Variants in IL1RAPL2 observed in about 807,000 individuals in gnomAD.
The protein encoded by IL1RAPL2 is interleukin 1 receptor accessory protein like 2, also known as X-linked interleukin-1 receptor accessory protein-like 2.
In IL1RAPL2, 3 loss-of-function variants were observed where a neutral mutation model predicts 44.1. The observed-to-expected ratio is 0.07, with a 90% CI of 0.03 to 0.18. IL1RAPL2 has a LOEUF of 0.18. IL1RAPL2 is among the 10% of genes least tolerant of loss of function. The pLI is 1.00. For synonymous variants in IL1RAPL2, 181 were observed against 178.8 expected, an observed-to-expected ratio of 1.01 and a Z score of -0.10; for missense variants, 391 against 496.4, an observed-to-expected ratio of 0.79 and a Z score of 2.02.
chrX:105,565,718 C>T (rs1357443284), intron 6 of IL1RAPL2, among the ~76,000 whole-genome samples: 1 of 112,060 alleles, frequency 8.9e-6, no homozygotes, highest in Non-Finnish European at 1.9e-5. Flanking sequence ...ATGGACAAGC[C>T]TACTCTTCCA....
intron 5 of IL1RAPL2, among the ~76,000 whole-genome samples, chrX:105,460,450 C>G (rs147225218): frequency 4.7e-4 from 52 of 109,975 alleles, no homozygotes; most frequent in Middle Eastern, 4.6e-3. Flanking sequence ...GTTCTTCCCC[C>G]CTCTCATCCT....
chrX:105,179,200 C>T (rs114587705), intron 2 of IL1RAPL2, among the ~76,000 whole-genome samples: 2,650 of 111,847 alleles, frequency 0.024, 73 homozygotes, highest in African/African-American at 0.081. Context: ...CAGTTTTATT[C>T]TGCATGTGGC....
chrX:105,177,045 C>G (rs2033481092), intron 2 of IL1RAPL2, among the ~76,000 whole-genome samples: 1 of 111,143 alleles, frequency 9.0e-6, no homozygotes. Context: ...CCTCCTGGAC[C>G]ACAGACTGTG....
chrX:105,246,402 C>A (rs1009526561), intron 4 of IL1RAPL2, among the ~76,000 whole-genome samples: 1 of 111,961 alleles, frequency 8.9e-6, no homozygotes, highest in Admixed American at 9.5e-5. Flanking sequence ...ATGAGTATTG[C>A]CAGGGAAGAA....
intron 4 of IL1RAPL2, among the ~76,000 whole-genome samples, chrX:105,258,198 G>C (rs2034330104): frequency 9.0e-6 from 1 of 111,648 alleles, no homozygotes; most frequent in South Asian, 3.7e-4. Context: ...AGCTTCATTT[G>C]GTTGGGTATG....
At chrX:105,018,473 G>A (rs1043628909) in intron 2 of IL1RAPL2, among the ~76,000 whole-genome samples, 1 of 111,293 alleles carries the variant, frequency 9.0e-6, no homozygotes, top group Admixed American at 9.6e-5. Flanking sequence ...ACTTTGAGCA[G>A]TATTGTTGAT....
At chrX:105,213,273 A>T (rs1221227673) in intron 3 of IL1RAPL2, among the ~76,000 whole-genome samples, 1 of 109,333 alleles carries the variant, frequency 9.1e-6, no homozygotes, top group Non-Finnish European at 1.9e-5. Flanking sequence ...CAGTTTAGAG[A>T]GGAACATAAA....
rs768539141 is a variant in IL1RAPL2 at position 105,099,757 on chromosome X, C to T, written c.83-95718C>T. On this transcript the variant is annotated intron_variant, in intron 2 of 10. Transcript: ENST00000372582. ...CTGGGACTACAGGCGTGAGCCACCG[C>T]GCCCGGCCGCCACACACTTTTAAAC... Among the ~76,000 whole-genome samples the T allele has an allele frequency of 4.3e-3, 475 of 109,940 alleles. 3 individuals carry two copies. The highest frequency in any genetic ancestry group is 0.015 in the African/African-American group (454 of 30,157).
At chrX:105,405,898 T>A in intron 5 of IL1RAPL2, 1 of 1,163,466 alleles carries the variant, frequency 8.6e-7, no homozygotes, top group Non-Finnish European at 1.2e-6. Context: ...GGTGGACTGA[T>A]TGATGATATT....
chrX:105,257,711 G>T (rs1458012766), intron 4 of IL1RAPL2, among the ~76,000 whole-genome samples: 1 of 112,107 alleles, frequency 8.9e-6, no homozygotes, highest in African/African-American at 3.2e-5. Context: ...TTTAATCTTT[G>T]TTGGTTTGAA....
intron 6 of IL1RAPL2, among the ~76,000 whole-genome samples, chrX:105,623,951 G>A: frequency 9.0e-6 from 1 of 111,552 alleles, no homozygotes; most frequent in Non-Finnish European, 1.9e-5. Context: ...ATAGCACAGG[G>A]AAGTTATTCT....
intron 6 of IL1RAPL2, among the ~76,000 whole-genome samples, chrX:105,540,334 C>T (rs997446281): frequency 1.8e-5 from 2 of 111,598 alleles, no homozygotes; most frequent in Non-Finnish European, 3.8e-5. Context: ...GGCATATATA[C>T]GCCATGGAAT....
At chrX:105,643,994 C>T (rs1293097929) in intron 6 of IL1RAPL2, among the ~76,000 whole-genome samples, 3 of 111,446 alleles carry the variant, frequency 2.7e-5, no homozygotes, top group Non-Finnish European at 3.8e-5. Flanking sequence ...CAGGTTCAAG[C>T]GATTCTCATG....
intron 6 of IL1RAPL2, among the ~76,000 whole-genome samples, chrX:105,548,773 G>A (rs1439758052): frequency 9.0e-6 from 1 of 111,548 alleles, no homozygotes; most frequent in Non-Finnish European, 1.9e-5. Context: ...TACTTCATAG[G>A]TTGCTATGTG....
At chrX:104,890,921 T>C (rs1255759524) in intron 2 of IL1RAPL2, among the ~76,000 whole-genome samples, 1 of 112,131 alleles carries the variant, frequency 8.9e-6, no homozygotes, top group Non-Finnish European at 1.9e-5. Context: ...CTAGGGTTTT[T>C]ATGGTTTTAG....
chrX:104,879,238 C>A (rs1241772276), intron 2 of IL1RAPL2, among the ~76,000 whole-genome samples: 1 of 109,736 alleles, frequency 9.1e-6, no homozygotes, highest in Non-Finnish European at 1.9e-5. Flanking sequence ...GCAATATCTC[C>A]AGATCAGTGA....
intron 6 of IL1RAPL2, among the ~76,000 whole-genome samples, chrX:105,535,204 G>C (rs187404426): frequency 1.8e-5 from 2 of 111,892 alleles, no homozygotes; most frequent in East Asian, 5.6e-4. Context: ...AGTTCAATAT[G>C]TTCACTATAA....
At chrX:104,655,566 A>G (rs1236982835) in intron 1 of IL1RAPL2, among the ~76,000 whole-genome samples, 1 of 111,875 alleles carries the variant, frequency 8.9e-6, no homozygotes, top group Non-Finnish European at 1.9e-5. Flanking sequence ...TGTTGGATTC[A>G]GTTTGCCAGT....
intron 5 of IL1RAPL2, among the ~76,000 whole-genome samples, chrX:105,412,330 AT>A: frequency 9.6e-6 from 1 of 104,293 alleles, no homozygotes; most frequent in Non-Finnish European, 2.0e-5. Flanking sequence ...ATATATATAT[AT>A]ATATATATAC....
Sources: gnomAD v4.1 joint callset for allele counts (sites outside exome capture counted in the v4.1 genomes callset) on GRCh38, gnomAD v4.1.1 for gene constraint, MANE v1.5 for transcripts, NCBI Gene and HGNC (gene_info 2026-07-23, HGNC 2026-07-21) for gene names.